The following RP1 variants were observed in gnomAD, a reference collection of about 807,000 sequenced individuals.
RP1 encodes oxygen-regulated protein 1.
Under a neutral mutation model 14.8 loss-of-function variants are expected in RP1, and 16 were observed. That is an observed-to-expected ratio of 1.08 (90% CI 0.73 to 1.65). RP1 has a LOEUF of 1.65. Among genes scored for constraint, RP1 ranks in the 40% most tolerant of loss-of-function variants. The pLI, the probability that RP1 is intolerant of heterozygous loss-of-function variation, is 0.00. For missense variants in RP1, 2,631 were observed against 2,535.0 expected (o/e 1.04, Z -0.81); for synonymous variants, 876 against 883.6 (o/e 0.99, Z 0.15).
At chr8:54,681,238 A>C (rs1222291548) in intron 12 of RP1, among the ~76,000 whole-genome samples, 1 of 152,038 alleles carries the variant, frequency 6.6e-6, no homozygotes, top group Non-Finnish European at 1.5e-5. Context: ...ACAGTGAAGG[A>C]TCTAAATTGT....
intron 12 of RP1, among the ~76,000 whole-genome samples, chr8:54,682,877 C>T (rs1807469736): frequency 6.6e-6 from 1 of 152,120 alleles, no homozygotes; most frequent in Non-Finnish European, 1.5e-5. Flanking sequence ...GCTTTCCCCA[C>T]CTGTGTCCTG....
rs974762279 is a variant in RP1, at chr8:54,604,294, A to G, written c.-12-16661A>G. On this transcript the variant is annotated intron_variant, in intron 1 of 22. Coordinates refer to the RP1 transcript ENST00000636932. ...GGCCTTTTCTGCATCTATTGAGATAATCATGTGGTTTTTGTCGTTGGTTCT... is the reference window on the plus strand; with the variant it reads ...GGCCTTTTCTGCATCTATTGAGATAGTCATGTGGTTTTTGTCGTTGGTTCT... Among the ~76,000 whole-genome samples, 16 of 152,302 alleles carry G rather than the reference A, an allele frequency of 1.1e-4. No individual in the cohort carries two copies. In the East Asian group the frequency reaches 1.2e-3, roughly 11 times the overall value.
chr8:54,769,614 T>C (rs1182329493), intron 22 of RP1: 11 of 665,210 alleles, frequency 1.7e-5, no homozygotes, highest in Non-Finnish European at 2.8e-5. Flanking sequence ...AAAGCAACTT[T>C]ATAGTTAACA....
At chr8:54,741,688 T>C (rs1296863177) in intron 19 of RP1, among the ~76,000 whole-genome samples, 2 of 138,140 alleles carry the variant, frequency 1.4e-5, no homozygotes, top group African/African-American at 5.4e-5. Context: ...AATATGTACA[T>C]ATAAATACAA....
At position 54,667,599 on chromosome 8, in the gene RP1, T is replaced by C. The variant is rs539038382; in HGVS notation, c.1323+3749T>C. ...TGGGATGTGGTTTGCGGCAGGAGCT[T>C]ATCTCAGCTTTTTCTACCTGTTTCG... is the stretch of plus-strand genomic sequence containing the variant. On this transcript the variant is annotated intron_variant, in intron 7 of 22. Coordinates refer to the RP1 transcript ENST00000636932. 2.0e-5 allele frequency among the ~76,000 whole-genome samples: 3 copies of C among 152,258 alleles called. No individual in the cohort carries two copies. The South Asian group carries it at 6.2e-4, about 32-fold the overall frequency.
Position 54,629,314 on chromosome 8 carries a change from C to G in RP1, c.5432C>G (p.Pro1811Arg). The G allele has an allele frequency of 6.2e-7, 1 of 1,613,782 alleles. No individual in the cohort carries two copies. Among genetic ancestry groups the G allele is most frequent in the East Asian group, 2.2e-5 (1 of 44,856 alleles). The change falls in exon 4 of 4, where the codon CCC becomes CGC. Residue 1811 changes from proline (P) to arginine (R), a missense_variant. Physicochemically the swap from Pro to Arg is moderately radical, Grantham distance 103 (BLOSUM62 -2). Transcript: ENST00000220676. ...TCAGAACTCGAGGAACTGACTCAACCCCTTGAACTAAAATGCAATTACTTT... is the reference window on the plus strand; with the variant it reads ...TCAGAACTCGAGGAACTGACTCAACGCCTTGAACTAAAATGCAATTACTTT... Reference protein sequence around the residue: ...SSSELEELTQPLELKCNYFNM... With the variant: ...SSSELEELTQRLELKCNYFNM...
At chr8:54,809,139 T>C (rs1222388390) in intron 24 of RP1, among the ~76,000 whole-genome samples, 1 of 152,240 alleles carries the variant, frequency 6.6e-6, no homozygotes, top group African/African-American at 2.4e-5. Context: ...TAACTTTTGC[T>C]TCCTTCACTG....
chr8:54,834,063 C>A (rs1811601738), intron 24 of RP1, among the ~76,000 whole-genome samples: 1 of 152,004 alleles, frequency 6.6e-6, no homozygotes, highest in Admixed American at 6.6e-5. Context: ...CTCAGATCCT[C>A]AAGGAGTTAA....
At chr8:54,796,790 C>T (rs1810585287) in intron 24 of RP1, among the ~76,000 whole-genome samples, 2 of 152,188 alleles carry the variant, frequency 1.3e-5, no homozygotes, top group African/African-American at 4.8e-5. Context: ...TTTTAAGCCA[C>T]CCAGTTTGTT....
chr8:54,634,017 T>A (rs1377598437), downstream of RP1, among the ~76,000 whole-genome samples: 1 of 152,080 alleles, frequency 6.6e-6, no homozygotes, highest in Non-Finnish European at 1.5e-5. Flanking sequence ...CTGAGTTTTG[T>A]GGTTTGATAC....
At position 54,625,025 on chromosome 8, in the gene RP1, G is replaced by A; in HGVS notation, c.1143G>A (p.Lys381=). 6.2e-7 allele frequency: 1 copy of A among 1,614,190 alleles called. No homozygotes were observed. The highest frequency in any genetic ancestry group is 2.2e-5 in the East Asian group (1 of 44,884). The part of the protein sequence containing the change: ...GRTESRSSGL[K]LAACSFSADV... ...CAGAAAGTCGATCATCTGGTTTAAA[G>A]CTTGCAGCATGTTCATTCTCTGCAG... is the stretch of plus-strand genomic sequence containing the variant. The change falls in exon 4 of 4, where the codon AAG becomes AAA. Residue 381 remains lysine, a synonymous_variant. Transcript: ENST00000220676.
In RP1 at chr8:54,820,929, CAGG is replaced by C. The variant is rs370638480; in HGVS notation, c.3616-16515_3616-16513del. 3.7e-4 allele frequency among the ~76,000 whole-genome samples: 57 copies of C among 152,110 alleles called. 2 individuals carry two copies. The East Asian group carries it at 7.5e-3, about 20-fold the overall frequency. On this transcript the variant is annotated intron_variant, in intron 24 of 28. Coordinates refer to the RP1 transcript ENST00000637698. ...GCCTCCAGGAATCCGCAGGAGGATC[CAGG>C]AGGAGAGAATATCCTTAGGCGAAGC...
At chr8:54,686,567 G>A (rs1807568102) in intron 12 of RP1, among the ~76,000 whole-genome samples, 3 of 152,056 alleles carry the variant, frequency 2.0e-5, no homozygotes, top group Admixed American at 2.0e-4. Context: ...CTTTGAAATG[G>A]CACAGGGAAC....
At chr8:54,803,188 T>C (rs1361242197) in intron 24 of RP1, among the ~76,000 whole-genome samples, 3 of 152,244 alleles carry the variant, frequency 2.0e-5, no homozygotes, top group Non-Finnish European at 4.4e-5. Flanking sequence ...CTAATCAGTT[T>C]GTTTTTCAAA....
chr8:54,811,449 C>T (rs912650410), intron 24 of RP1, among the ~76,000 whole-genome samples: 2 of 152,178 alleles, frequency 1.3e-5, no homozygotes, highest in African/African-American at 4.8e-5. Flanking sequence ...TATTTTAAGT[C>T]AACATTTTCT....
At chr8:54,863,043 G>GAATATATATATA (rs1812381394) in intron 27 of RP1, among the ~76,000 whole-genome samples, 1 of 42,804 alleles carries the variant, frequency 2.3e-5, no homozygotes, top group African/African-American at 8.9e-5. Context: ...TATTCCAAAT[G>GAATATATATATA]GATATATATA....
chr8:54,781,779 A>T (rs1810195670), intron 23 of RP1, among the ~76,000 whole-genome samples: 1 of 152,206 alleles, frequency 6.6e-6, no homozygotes, highest in Admixed American at 6.5e-5. Context: ...ATGCTTAGGA[A>T]AACTTGAAAG....
At chr8:54,772,686 C>G (rs1319461226), downstream of RP1, among the ~76,000 whole-genome samples, 1 of 152,174 alleles carries the variant, frequency 6.6e-6, no homozygotes, top group Non-Finnish European at 1.5e-5. Flanking sequence ...CCTAAAGTCA[C>G]ACAAACAGAT....
At chr8:54,860,812 A>G (rs1042955431) in intron 27 of RP1, among the ~76,000 whole-genome samples, 6 of 152,250 alleles carry the variant, frequency 3.9e-5, no homozygotes, top group African/African-American at 1.4e-4. Context: ...TATGATAAAT[A>G]TTTGAAAGTA....
Sources: allele counts gnomAD v4.1 joint callset (sites outside exome capture counted in the v4.1 genomes callset), GRCh38; gene constraint gnomAD v4.1.1; transcripts MANE v1.5; gene names NCBI Gene and HGNC (gene_info 2026-07-23, HGNC 2026-07-21).